Variants in GALNT13 observed in about 807,000 individuals in gnomAD.
The protein encoded by GALNT13 is UDP-GalNAc:polypeptide N-acetylgalactosaminyltransferase 13.
Under a neutral mutation model 64.2 loss-of-function variants are expected in GALNT13, and 28 were observed. That is an observed-to-expected ratio of 0.44 (90% confidence interval 0.32 to 0.60). GALNT13 has a LOEUF of 0.60. Ranked by LOEUF, GALNT13 falls within the 20% of genes least tolerant of loss-of-function variation. GALNT13 has a pLI of 0.05. For synonymous variants in GALNT13, 214 were observed against 224.6 expected, an observed-to-expected ratio of 0.95 and a Z score of 0.42; for missense variants, 577 against 669.8, an observed-to-expected ratio of 0.86 and a Z score of 1.53.
At chr2:153,770,356 C>T in the GALNT13 span, among the ~76,000 whole-genome samples, 2 of 152,082 alleles carry the variant, frequency 1.3e-5, no homozygotes, top group Admixed American at 6.6e-5. Context: ...TTTTTAAGTT[C>T]CTTGGTTATA....
At chr2:153,602,945 C>T in the GALNT13 span, among the ~76,000 whole-genome samples, 1 of 151,838 alleles carries the variant, frequency 6.6e-6, no homozygotes, top group Admixed American at 6.6e-5. Flanking sequence ...GGTCTCAATT[C>T]AACACAACTT....
At chr2:154,362,072 A>G (rs1311008887) in intron 9 of GALNT13, among the ~76,000 whole-genome samples, 1 of 151,300 alleles carries the variant, frequency 6.6e-6, no homozygotes, top group Non-Finnish European at 1.5e-5. Context: ...ATAGAAGAGT[A>G]AAGAACAAAG....
At chr2:154,114,364 G>A (rs1180106443) in intron 3 of GALNT13, among the ~76,000 whole-genome samples, 2 of 152,152 alleles carry the variant, frequency 1.3e-5, no homozygotes. Context: ...CCCACTGCAA[G>A]TCAGATCTGA....
chr2:153,209,639 G>A, the GALNT13 span, among the ~76,000 whole-genome samples: 4 of 151,968 alleles, frequency 2.6e-5, no homozygotes, highest in East Asian at 1.9e-4. Flanking sequence ...ATTATTTTAT[G>A]TCTTCTTGGT....
chr2:153,589,177 A>G, the GALNT13 span, among the ~76,000 whole-genome samples: 4 of 152,164 alleles, frequency 2.6e-5, no homozygotes, highest in Admixed American at 6.5e-5. Flanking sequence ...TGCTGGATAC[A>G]CTAAATCACC....
At chr2:154,017,886 T>C (rs949447628) in intron 3 of GALNT13, among the ~76,000 whole-genome samples, 1 of 152,240 alleles carries the variant, frequency 6.6e-6, no homozygotes, top group African/African-American at 2.4e-5. Flanking sequence ...AGTTGTGACA[T>C]GTATTGTCTT....
chr2:153,509,443 G>A, the GALNT13 span, among the ~76,000 whole-genome samples: 5 of 152,218 alleles, frequency 3.3e-5, no homozygotes, highest in Non-Finnish European at 7.3e-5. Context: ...GCCATCAATA[G>A]TGATTCCTTT....
the GALNT13 span, among the ~76,000 whole-genome samples, chr2:153,296,477 C>T: frequency 3.3e-5 from 5 of 152,022 alleles, no homozygotes; most frequent in Admixed American, 6.6e-5. Flanking sequence ...GGTTTAATGT[C>T]GTTTTAGTAA....
chr2:154,060,443 C>T (rs896564603), intron 3 of GALNT13, among the ~76,000 whole-genome samples: 3 of 152,090 alleles, frequency 2.0e-5, no homozygotes, highest in Admixed American at 6.6e-5. Flanking sequence ...GCAACCTCCA[C>T]CTCCCAGATT....
chr2:154,294,499 C>A (rs551244293), intron 8 of GALNT13, among the ~76,000 whole-genome samples: 2 of 152,234 alleles, frequency 1.3e-5, no homozygotes, highest in African/African-American at 4.8e-5. Flanking sequence ...GAAAACAAAA[C>A]AATATCTTTT....
the GALNT13 span, chr2:153,478,106 A>C: frequency 1.4e-6 from 1 of 732,220 alleles, no homozygotes. Context: ...CTTCTTTCCG[A>C]AAGGCCGAAG....
At chr2:154,031,065 A>T (rs1698305805) in intron 3 of GALNT13, among the ~76,000 whole-genome samples, 1 of 152,192 alleles carries the variant, frequency 6.6e-6, no homozygotes, top group Non-Finnish European at 1.5e-5. Flanking sequence ...ACTTATTAAA[A>T]AGTAATAGCA....
chr2:154,025,353 A>G (rs1022422499), intron 3 of GALNT13, among the ~76,000 whole-genome samples: 1 of 152,106 alleles, frequency 6.6e-6, no homozygotes, highest in Admixed American at 6.5e-5. Context: ...AATAAAGTTT[A>G]CCTCTGATCT....
chr2:153,948,082 A>C (rs765390258), intron 3 of GALNT13, among the ~76,000 whole-genome samples: 1 of 152,114 alleles, frequency 6.6e-6, no homozygotes, highest in Admixed American at 6.6e-5. Flanking sequence ...TGGTTACTGT[A>C]GCCCTGTAGT....
chr2:154,149,987 G>A (rs1244700125), intron 4 of GALNT13, among the ~76,000 whole-genome samples: 1 of 152,052 alleles, frequency 6.6e-6, no homozygotes, highest in South Asian at 2.1e-4. Flanking sequence ...GGTGAGAGAG[G>A]GCATCCCTGT....
the GALNT13 span, among the ~76,000 whole-genome samples, chr2:153,467,765 T>G: frequency 6.6e-6 from 1 of 152,074 alleles, no homozygotes; most frequent in Admixed American, 6.6e-5. Flanking sequence ...ATTTATTTGA[T>G]GCTGACCAAG....
chr2:153,792,805 C>T, the GALNT13 span, among the ~76,000 whole-genome samples: 1 of 152,096 alleles, frequency 6.6e-6, no homozygotes, highest in African/African-American at 2.4e-5. Flanking sequence ...ATTCTTAAGG[C>T]ATTTGATTTG....
chr2:153,164,270 T>G, the GALNT13 span, among the ~76,000 whole-genome samples: 1 of 152,240 alleles, frequency 6.6e-6, no homozygotes, highest in South Asian at 2.1e-4. Context: ...ACCAATAGGG[T>G]CTTGTTTATT....
At chr2:153,612,749 T>C in the GALNT13 span, among the ~76,000 whole-genome samples, 1 of 152,192 alleles carries the variant, frequency 6.6e-6, no homozygotes, top group African/African-American at 2.4e-5. Context: ...TTCTTTATAA[T>C]GGCTAAAGTG....
Sources: allele counts gnomAD v4.1 joint callset (sites outside exome capture counted in the v4.1 genomes callset), GRCh38; gene constraint gnomAD v4.1.1; transcripts MANE v1.5; gene names NCBI Gene and HGNC (gene_info 2026-07-23, HGNC 2026-07-21).